The following KATNAL1 variants were observed in gnomAD, a reference collection of about 807,000 sequenced individuals.
KATNAL1 encodes katanin catalytic subunit A1 like 1.
In KATNAL1, 32 loss-of-function variants were observed where a neutral mutation model predicts 55.2. The observed-to-expected ratio is 0.58, with a 90% CI of 0.44 to 0.78. The LOEUF is 0.78. KATNAL1 is among the 30% of genes least tolerant of loss of function. The pLI is 0.00. For synonymous variants in KATNAL1, 193 were observed against 193.6 expected, an observed-to-expected ratio of 1.00 and a Z score of 0.02; for missense variants, 466 against 600.9, an observed-to-expected ratio of 0.78 and a Z score of 2.35.
chr13:30,260,843 C>T (rs1593905058), intron 3 of KATNAL1, among the ~76,000 whole-genome samples: 1 of 147,776 alleles, frequency 6.8e-6, no homozygotes, highest in East Asian at 1.9e-4. Flanking sequence ...GGCAGGCCAA[C>T]ATACAGATTC....
At chr13:30,260,444 C>T (rs565133301) in intron 3 of KATNAL1, among the ~76,000 whole-genome samples, 26 of 152,158 alleles carry the variant, frequency 1.7e-4, no homozygotes, top group Middle Eastern at 6.8e-3. Flanking sequence ...GAAATTCAAA[C>T]CAAAGGCAAA....
rs555766786 is a variant in KATNAL1, at chr13:30,259,678, G to A, written c.324-4063C>T. On this transcript the variant is annotated intron_variant, in intron 3 of 10. Coordinates refer to ENST00000380615, the MANE Select transcript of KATNAL1 (RefSeq NM_032116.5). Reference sequence around the variant, plus strand: ...CGCTTTTCTGACGGTCTTAAAAAACGCGGCACCAGGAGATTATATCCCGCA... The same window carrying A: ...CGCTTTTCTGACGGTCTTAAAAAACACGGCACCAGGAGATTATATCCCGCA... Among the ~76,000 whole-genome samples the A allele has an allele frequency of 3.3e-5, 5 of 152,310 alleles. No individual in the cohort carries two copies. The South Asian group carries it at 8.3e-4, about 25-fold the overall frequency.
intron 4 of KATNAL1, among the ~76,000 whole-genome samples, chr13:30,253,774 C>G (rs74632918): frequency 0.021 from 3,249 of 152,084 alleles, 46 homozygotes; most frequent in Non-Finnish European, 0.033. Context: ...TTCTGGATCT[C>G]TTTTGGTAAA....
At chr13:30,214,600 G>A (rs1017228439) in intron 9 of KATNAL1, among the ~76,000 whole-genome samples, 69 of 152,122 alleles carry the variant, frequency 4.5e-4, no homozygotes, top group Admixed American at 6.5e-4. Flanking sequence ...ACAGAACAGA[G>A]TCCTCAGAAA....
At chr13:30,223,984 T>C (rs532783236) in intron 9 of KATNAL1, among the ~76,000 whole-genome samples, 4 of 152,228 alleles carry the variant, frequency 2.6e-5, no homozygotes, top group South Asian at 2.1e-4. Context: ...AGTTCAAAAA[T>C]TGACATCTTA....
intron 3 of KATNAL1, among the ~76,000 whole-genome samples, chr13:30,276,144 T>G (rs888196230): frequency 5.3e-5 from 8 of 152,204 alleles, no homozygotes; most frequent in African/African-American, 1.9e-4. Context: ...TTCCACTACC[T>G]ACCACCACGA....
intron 2 of KATNAL1, among the ~76,000 whole-genome samples, chr13:30,283,096 T>C (rs914912261): frequency 1.3e-4 from 19 of 151,364 alleles, no homozygotes; most frequent in African/African-American, 4.4e-4. Context: ...GGTGAAACCC[T>C]GTTTCTACTA....
At chr13:30,210,036 C>A (rs997028846) in intron 10 of KATNAL1, among the ~76,000 whole-genome samples, 14 of 152,280 alleles carry the variant, frequency 9.2e-5, no homozygotes, top group Admixed American at 7.8e-4. Flanking sequence ...CCCGCCTCGG[C>A]CTCCCAAAGT....
Position 30,307,483 on chromosome 13 carries a change from C to G in KATNAL1, c.-167G>C, listed in dbSNP as rs533290272. 6.6e-6 allele frequency: 1 copy of G among 151,212 alleles called. No homozygotes were observed. Among genetic ancestry groups the G allele is most frequent in the Non-Finnish European group, 1.5e-5 (1 of 68,072 alleles). 9.4% of individuals were successfully genotyped at this position (151,212 alleles called of 1,614,324 possible). A position where few individuals can be genotyped will look rare whatever the true frequency, so the allele number is the denominator to read the frequency against. On this transcript the variant is annotated 5_prime_UTR_variant, in exon 1 of 11. Coordinates refer to ENST00000380615, the MANE Select transcript of KATNAL1 (RefSeq NM_032116.5). ...GTAGTGTTGCCATGGCAGCCGCGGC[C>G]GCGCGGTGGGCGCAGCGCGGGAGGG...
At chr13:30,254,406 TC>T (rs1398278963) in intron 4 of KATNAL1, among the ~76,000 whole-genome samples, 1 of 152,122 alleles carries the variant, frequency 6.6e-6, no homozygotes. Flanking sequence ...ATTAAAAAAA[TC>T]TAATTCATTT....
intron 9 of KATNAL1, among the ~76,000 whole-genome samples, chr13:30,222,035 G>C (rs1000493659): frequency 6.6e-6 from 1 of 152,138 alleles, no homozygotes; most frequent in African/African-American, 2.4e-5. Flanking sequence ...CGGGCAACAA[G>C]AGTGAAACTC....
intron 9 of KATNAL1, among the ~76,000 whole-genome samples, chr13:30,218,227 T>TATATATAA (rs1555258842): frequency 0.15 from 21,219 of 144,438 alleles, 1,687 homozygotes; most frequent in East Asian, 0.26. Flanking sequence ...TATATATATA[T>TATATATAA]AAAGGACCTG....
rs369143305 is a variant in KATNAL1 at position 30,223,849 on chromosome 13, AAC to A, written c.1147+3561_1147+3562del. Among the ~76,000 whole-genome samples the A allele has an allele frequency of 2.8e-3, 425 of 152,362 alleles. 4 individuals are homozygous for A. Among genetic ancestry groups the A allele is most frequent in the African/African-American group, 9.7e-3 (403 of 41,586 alleles). On this transcript the variant is annotated intron_variant, in intron 9 of 10. Coordinates refer to ENST00000380615, the MANE Select transcript of KATNAL1 (RefSeq NM_032116.5). Reference sequence around the variant, plus strand: ...AGGATCTTATTATTTGAATAATACTAACACACCAACTTCATCTAGCTGACATT... The same window carrying A: ...AGGATCTTATTATTTGAATAATACTAACACCAACTTCATCTAGCTGACATT...
At chr13:30,269,167 A>G (rs866667153) in intron 3 of KATNAL1, among the ~76,000 whole-genome samples, 1 of 151,200 alleles carries the variant, frequency 6.6e-6, no homozygotes, top group African/African-American at 2.4e-5. Flanking sequence ...ATCTCGGCCC[A>G]CTGCAACCTC....
chr13:30,254,135 A>G (rs991900497), intron 4 of KATNAL1, among the ~76,000 whole-genome samples: 2 of 152,234 alleles, frequency 1.3e-5, no homozygotes, highest in Non-Finnish European at 2.9e-5. Flanking sequence ...AAAAGCTACT[A>G]GCAAACTGGA....
At chr13:30,222,392 G>T (rs1238308951) in intron 9 of KATNAL1, among the ~76,000 whole-genome samples, 2 of 152,212 alleles carry the variant, frequency 1.3e-5, no homozygotes, top group East Asian at 3.9e-4. Flanking sequence ...ACAGATTTTG[G>T]ACTTACCAGC....
chr13:30,204,805 TAC>T lies in KATNAL1; in HGVS notation c.*3733_*3734del, dbSNP rs1872963711. On this transcript the variant is annotated 3_prime_UTR_variant, in exon 11 of 11. Transcript: ENST00000380615. Reference sequence around the variant, plus strand: ...GAAGCTGAAATTAAGCCCTGAGCTATACAGCTAGACCACCGCATGTTTTCCCC... The same window carrying T: ...GAAGCTGAAATTAAGCCCTGAGCTATAGCTAGACCACCGCATGTTTTCCCC... The T allele has an allele frequency of 1.3e-5, 2 of 152,144 alleles. No individual in the cohort carries two copies. The highest frequency in any genetic ancestry group is 4.8e-5 in the African/African-American group (2 of 41,420). 9.4% of individuals were successfully genotyped at this position (152,144 alleles called of 1,614,324 possible).
chr13:30,241,042 T>C lies in KATNAL1; in HGVS notation c.537A>G (p.Pro179=). 6.2e-7 allele frequency: 1 copy of C among 1,613,786 alleles called. No individual in the cohort carries two copies. The highest frequency in any genetic ancestry group is 8.5e-7 in the Non-Finnish European group (1 of 1,179,888). Reference sequence around the variant, plus strand: ...TATCATAACCAGCACCATCAAATTTTGGCATTTCACCATCACTTGCACCAT... The same window carrying C: ...TATCATAACCAGCACCATCAAATTTCGGCATTTCACCATCACTTGCACCAT... ...MQDGASDGEM[P]KFDGAGYDKD... is the part of the protein sequence containing the mutation. Residue 179 remains proline, a synonymous_variant, in exon 5 of 11, where the codon CCA becomes CCG. Transcript: ENST00000380615.
At chr13:30,266,434 G>C (rs1879789246) in intron 3 of KATNAL1, among the ~76,000 whole-genome samples, 1 of 152,002 alleles carries the variant, frequency 6.6e-6, no homozygotes, top group African/African-American at 2.4e-5. Flanking sequence ...ACTTAGTAAA[G>C]CATAATTTAC....
Sources: gnomAD v4.1 joint callset for allele counts (sites outside exome capture counted in the v4.1 genomes callset) on GRCh38, gnomAD v4.1.1 for gene constraint, MANE v1.5 for transcripts, NCBI Gene and HGNC (gene_info 2026-07-23, HGNC 2026-07-21) for gene names.